Variants in QTMAN observed in about 807,000 individuals in gnomAD.
The protein encoded by QTMAN is queuosine-tRNA mannosyltransferase.
the QTMAN span, chr2:143,970,708 G>C: frequency 6.2e-7 from 1 of 1,610,690 alleles, no homozygotes; most frequent in Non-Finnish European, 8.5e-7. Context: ...TGAGTCCTAA[G>C]TCTTTAAGAT....
chr2:144,249,741 T>G, the QTMAN span, among the ~76,000 whole-genome samples: 2 of 152,150 alleles, frequency 1.3e-5, no homozygotes, highest in Non-Finnish European at 2.9e-5. Flanking sequence ...AGATTTAAAT[T>G]ATTACAGAGA....
the QTMAN span, among the ~76,000 whole-genome samples, chr2:144,166,226 T>C: frequency 6.6e-6 from 1 of 152,332 alleles, no homozygotes; most frequent in East Asian, 1.9e-4. Context: ...TAATTTGCAT[T>C]GTATGCCACT....
At chr2:144,020,827 T>C in the QTMAN span, among the ~76,000 whole-genome samples, 1 of 151,218 alleles carries the variant, frequency 6.6e-6, no homozygotes, top group Non-Finnish European at 1.5e-5. Flanking sequence ...GATAATTGCA[T>C]CCATGGCAGA....
chr2:144,078,627 G>A, the QTMAN span, among the ~76,000 whole-genome samples: 1 of 152,096 alleles, frequency 6.6e-6, no homozygotes, highest in East Asian at 1.9e-4. Flanking sequence ...ATAGTAAATA[G>A]CCAATGAGTC....
At chr2:144,054,093 C>T in the QTMAN span, among the ~76,000 whole-genome samples, 1 of 152,076 alleles carries the variant, frequency 6.6e-6, no homozygotes, top group African/African-American at 2.4e-5. Flanking sequence ...GAGGCTGAGG[C>T]AGGAGAATGG....
chr2:144,324,818 C>G, the QTMAN span, among the ~76,000 whole-genome samples: 1 of 149,918 alleles, frequency 6.7e-6, no homozygotes, highest in East Asian at 1.9e-4. Context: ...GGTGTCAGTA[C>G]ACATCTCTGT....
the QTMAN span, among the ~76,000 whole-genome samples, chr2:144,239,697 T>C: frequency 6.6e-6 from 1 of 152,352 alleles, no homozygotes; most frequent in African/African-American, 2.4e-5. Context: ...TTGCTTTGTA[T>C]TGCCATCATT....
chr2:144,180,335 G>C, the QTMAN span, among the ~76,000 whole-genome samples: 1 of 151,998 alleles, frequency 6.6e-6, no homozygotes, highest in African/African-American at 2.4e-5. Context: ...GGTTGTAATA[G>C]CTCGATGAAA....
At chr2:144,298,965 T>G in the QTMAN span, among the ~76,000 whole-genome samples, 2 of 152,154 alleles carry the variant, frequency 1.3e-5, no homozygotes, top group Non-Finnish European at 2.9e-5. Flanking sequence ...AACAGCCCAT[T>G]ACTGCTGGGA....
the QTMAN span, among the ~76,000 whole-genome samples, chr2:144,159,981 A>G: frequency 6.6e-6 from 1 of 152,096 alleles, no homozygotes; most frequent in Non-Finnish European, 1.5e-5. Flanking sequence ...TAACAAAACA[A>G]AAACAAAAAA....
the QTMAN span, among the ~76,000 whole-genome samples, chr2:144,321,631 TCTCA>T: frequency 6.6e-6 from 1 of 151,992 alleles, no homozygotes; most frequent in South Asian, 2.1e-4. Context: ...AGAGACAGAG[TCTCA>T]CTCTGTCACC....
the QTMAN span, chr2:144,211,715 A>G: frequency 2.6e-5 from 4 of 152,606 alleles, no homozygotes; most frequent in African/African-American, 4.8e-5. Flanking sequence ...GTTTTGTTTT[A>G]GAAAACTGCT....
the QTMAN span, among the ~76,000 whole-genome samples, chr2:144,135,188 T>C: frequency 2.6e-5 from 4 of 152,174 alleles, no homozygotes; most frequent in Non-Finnish European, 5.9e-5. Flanking sequence ...TTGTTGGAAG[T>C]GAAGACAATC....
chr2:143,953,604 A>G, the QTMAN span, among the ~76,000 whole-genome samples: 1 of 151,924 alleles, frequency 6.6e-6, no homozygotes, highest in South Asian at 2.1e-4. Context: ...GTTAAGCAGA[A>G]GGAAGGTATT....
the QTMAN span, among the ~76,000 whole-genome samples, chr2:144,316,945 T>G: frequency 6.6e-6 from 1 of 152,312 alleles, no homozygotes; most frequent in South Asian, 2.1e-4. Flanking sequence ...CATAAGGAAA[T>G]TGGGATAGTT....
At chr2:144,259,805 G>T in the QTMAN span, among the ~76,000 whole-genome samples, 1 of 151,620 alleles carries the variant, frequency 6.6e-6, no homozygotes, top group South Asian at 2.1e-4. Context: ...GGGAGCATTG[G>T]TTCCCCAGAC....
chr2:144,168,394 T>C, the QTMAN span, among the ~76,000 whole-genome samples: 1 of 152,186 alleles, frequency 6.6e-6, no homozygotes, highest in African/African-American at 2.4e-5. Context: ...CACAGAATAC[T>C]GATACTTCAG....
the QTMAN span, among the ~76,000 whole-genome samples, chr2:144,139,416 T>A: frequency 1.3e-5 from 2 of 152,066 alleles, no homozygotes; most frequent in Admixed American, 6.6e-5. Flanking sequence ...GTACATGGTA[T>A]ACATTATTTC....
At chr2:144,058,842 C>T in the QTMAN span, among the ~76,000 whole-genome samples, 1 of 152,134 alleles carries the variant, frequency 6.6e-6, no homozygotes, top group Non-Finnish European at 1.5e-5. Flanking sequence ...ATCTAATCAA[C>T]CCCCAAGTTT....
Sources: allele counts gnomAD v4.1 joint callset (sites outside exome capture counted in the v4.1 genomes callset), GRCh38; gene constraint gnomAD v4.1.1; transcripts MANE v1.5; gene names NCBI Gene and HGNC (gene_info 2026-07-23, HGNC 2026-07-21).